Variants in CNIH3 observed in about 807,000 individuals in gnomAD.
The protein encoded by CNIH3 is cornichon family AMPA receptor auxiliary protein 3, also known as protein cornichon homolog 3.
A neutral mutation model predicts 24.1 loss-of-function variants in CNIH3; 14 were observed. The observed-to-expected ratio is 0.58, with a 90% CI of 0.38 to 0.91. The LOEUF (loss-of-function observed/expected upper bound fraction) is 0.91. Ranked by LOEUF, CNIH3 falls within the 40% of genes least tolerant of loss-of-function variation. The pLI, the probability that CNIH3 is intolerant of heterozygous loss-of-function variation, is 0.00. For missense variants in CNIH3, 178 were observed against 196.8 expected (o/e 0.90, Z 0.57); for synonymous variants, 68 against 73.8 (o/e 0.92, Z 0.40).
At chr1:224,444,774 G>C (rs1186011675) in intron 1 of CNIH3, among the ~76,000 whole-genome samples, 1 of 151,872 alleles carries the variant, frequency 6.6e-6, no homozygotes, top group African/African-American at 2.4e-5. Context: ...CCTTTTGAAT[G>C]GATGGGATTA....
At chr1:224,599,183 A>T (rs1682108586) in intron 3 of CNIH3, among the ~76,000 whole-genome samples, 1 of 152,194 alleles carries the variant, frequency 6.6e-6, no homozygotes, top group Admixed American at 6.5e-5. Context: ...TAATTCTGCA[A>T]TATGAAATGG....
At chr1:224,440,057 G>A (rs960838995) in intron 1 of CNIH3, among the ~76,000 whole-genome samples, 36 of 152,204 alleles carry the variant, frequency 2.4e-4, no homozygotes, top group African/African-American at 8.4e-4. Context: ...CAAAGTGTTG[G>A]GATTACAGGC....
At chr1:224,489,664 A>T (rs979999759) in intron 1 of CNIH3, among the ~76,000 whole-genome samples, 18 of 152,336 alleles carry the variant, frequency 1.2e-4, no homozygotes, top group African/African-American at 4.3e-4. Context: ...AGCTATTAAT[A>T]CATGGCCATG....
At chr1:224,651,400 C>T (rs957461992) in intron 1 of CNIH3, among the ~76,000 whole-genome samples, 1 of 152,174 alleles carries the variant, frequency 6.6e-6, no homozygotes, top group African/African-American at 2.4e-5. Flanking sequence ...GATTACATCA[C>T]ACATTCTGGT....
chr1:224,457,267 CTCTCTCTCTGTG>C (rs1454557779), intron 1 of CNIH3, among the ~76,000 whole-genome samples: 1 of 73,262 alleles, frequency 1.4e-5, no homozygotes, highest in Non-Finnish European at 2.6e-5. Context: ...GAGCCCTCCT[CTCTCTCTCTGTG>C]TGTGTGTGTG....
At chr1:224,645,490 C>G (rs779225548) in intron 1 of CNIH3, among the ~76,000 whole-genome samples, 1 of 152,266 alleles carries the variant, frequency 6.6e-6, no homozygotes, top group Non-Finnish European at 1.5e-5. Context: ...CGGTGCCGAG[C>G]GTTTCCAGCC....
chr1:224,580,805 CA>C (rs59069164), intron 4 of CNIH3, among the ~76,000 whole-genome samples: 4,278 of 117,452 alleles, frequency 0.036, 169 homozygotes, highest in African/African-American at 0.11. Context: ...GACTCTGTCT[CA>C]AAAAAAAAAA....
chr1:224,722,843 C>T (rs1443419940), intron 3 of CNIH3, among the ~76,000 whole-genome samples: 2 of 152,082 alleles, frequency 1.3e-5, no homozygotes, highest in African/African-American at 4.8e-5. Flanking sequence ...CACCTCCTGC[C>T]TTGGTTTCCT....
intron 1 of CNIH3, among the ~76,000 whole-genome samples, chr1:224,640,184 C>T (rs997627358): frequency 2.6e-5 from 4 of 152,082 alleles, no homozygotes; most frequent in Admixed American, 2.6e-4. Context: ...TTTCCATTTC[C>T]TCTCGCTATT....
chr1:224,617,550 C>T (rs906228642), intron 1 of CNIH3, among the ~76,000 whole-genome samples: 6 of 152,330 alleles, frequency 3.9e-5, no homozygotes, highest in Admixed American at 1.3e-4. Flanking sequence ...CTAACCCCTT[C>T]CTCTCCCGCC....
At chr1:224,634,955 T>C (rs1299663988) in intron 1 of CNIH3, among the ~76,000 whole-genome samples, 1 of 152,202 alleles carries the variant, frequency 6.6e-6, no homozygotes, top group African/African-American at 2.4e-5. Flanking sequence ...GCTCCATAAA[T>C]GGGAGGCAGC....
chr1:224,713,070 A>C (rs1232067700), intron 3 of CNIH3, among the ~76,000 whole-genome samples: 1 of 152,226 alleles, frequency 6.6e-6, no homozygotes, highest in Non-Finnish European at 1.5e-5. Context: ...AAAGCCAAGC[A>C]TGCTTAACAT....
chr1:224,687,387 C>T (rs2125153027), intron 3 of CNIH3, among the ~76,000 whole-genome samples: 1 of 152,310 alleles, frequency 6.6e-6, no homozygotes, highest in South Asian at 2.1e-4. Flanking sequence ...CATGCACCAC[C>T]ATGCCTGGCC....
chr1:224,716,942 G>A (rs1175521004), intron 3 of CNIH3, among the ~76,000 whole-genome samples: 1 of 152,204 alleles, frequency 6.6e-6, no homozygotes, highest in Non-Finnish European at 1.5e-5. Context: ...GCCCTGCTAG[G>A]GTTCTGGAGT....
At chr1:224,617,794 T>G (rs1250679712) in intron 1 of CNIH3, among the ~76,000 whole-genome samples, 2 of 149,806 alleles carry the variant, frequency 1.3e-5, no homozygotes, top group African/African-American at 4.9e-5. Flanking sequence ...TGGAAGGCGG[T>G]GGGGGAAAGG....
chr1:224,469,173 T>C (rs887900593), intron 1 of CNIH3, among the ~76,000 whole-genome samples: 3 of 152,262 alleles, frequency 2.0e-5, no homozygotes, highest in African/African-American at 7.2e-5. Context: ...CTTTACTTTC[T>C]GGCGTCAAGT....
rs112398511 is a variant in CNIH3, at chr1:224,736,911, T to C, written c.455+2205T>C. ...ACTTGCCACCTTGGAGGTTAGGTTT[T>C]TTCCCTGCAGTGTGCTCAACCCTGC... On this transcript the variant is annotated intron_variant, in intron 5 of 5. Transcript: ENST00000272133. 6.6e-3 allele frequency among the ~76,000 whole-genome samples: 1,011 copies of C among 152,324 alleles called. 14 individuals are homozygous for C. The highest frequency in any genetic ancestry group is 0.048 in the South Asian group (230 of 4,824).
rs940234375 is a variant in CNIH3, at chr1:224,502,911, T to C, written n.204-12830T>C. ...GGTGAGATGTTGAAAGCCTGTGAGT[T>C]GACAGGGGGTAGAACACAGGCTAAG... On this transcript the variant is annotated intron_variant and non_coding_transcript_variant, in intron 1 of 5. Coordinates refer to the CNIH3 transcript ENST00000471578. 3.9e-5 allele frequency among the ~76,000 whole-genome samples: 6 copies of C among 151,950 alleles called. No homozygotes were observed. In the South Asian group the frequency reaches 1.2e-3, roughly 32 times the overall value.
At chr1:224,475,689 A>G (rs895132135) in intron 1 of CNIH3, among the ~76,000 whole-genome samples, 1 of 152,228 alleles carries the variant, frequency 6.6e-6, no homozygotes, top group South Asian at 2.1e-4. Flanking sequence ...TGCTCAAATG[A>G]TTCCAAAAAA....
Sources: allele counts gnomAD v4.1 joint callset (sites outside exome capture counted in the v4.1 genomes callset), GRCh38; gene constraint gnomAD v4.1.1; transcripts MANE v1.5; gene names NCBI Gene and HGNC (gene_info 2026-07-23, HGNC 2026-07-21).